Variants in FRMD4B observed in about 807,000 individuals in gnomAD.
FRMD4B encodes the protein FERM domain-containing protein 4B.
A neutral mutation model predicts 141.5 loss-of-function variants in FRMD4B; 74 were observed. The observed-to-expected ratio is 0.52, with a 90% confidence interval of 0.43 to 0.63. The LOEUF (loss-of-function observed/expected upper bound fraction) is 0.63. Ranked by LOEUF, FRMD4B falls within the 30% of genes least tolerant of loss-of-function variation. FRMD4B has a pLI of 0.00. For missense variants in FRMD4B, 1,366 were observed against 1,253.4 expected, an observed-to-expected ratio of 1.09 and a Z score of -1.36; for synonymous variants, 506 against 467.9, an observed-to-expected ratio of 1.08 and a Z score of -1.05.
Position 69,195,311 on chromosome 3 carries a change from GT to G in FRMD4B, c.1287del (p.Glu429AspfsTer2), listed in dbSNP as rs776374246. On this transcript the variant is annotated frameshift_variant, in exon 15 of 23. Transcript: ENST00000398540. LOFTEE classifies it high-confidence loss of function. ...TGTAATAGTTTCTCCTTCTTCTTTA[GT>G]TCAAGGATTTTTTCTCTCTTTTGCT... is the stretch of plus-strand genomic sequence containing the variant. ...SEEQKREKIL[E>X]LKKKEKLLQE... 1.2e-6 allele frequency: 2 copies of G among 1,613,016 alleles called. No individual in the cohort carries two copies. Among genetic ancestry groups the G allele is most frequent in the Admixed American group, 3.3e-5 (2 of 59,900 alleles).
intron 1 of FRMD4B, among the ~76,000 whole-genome samples, chr3:69,467,332 T>A (rs1463090991): frequency 6.6e-6 from 1 of 152,242 alleles, no homozygotes; most frequent in East Asian, 1.9e-4. Flanking sequence ...GTAACTGGCA[T>A]GATTTGGACC....
chr3:69,328,675 TG>T (rs1264687994), intron 1 of FRMD4B, among the ~76,000 whole-genome samples: 1 of 152,190 alleles, frequency 6.6e-6, no homozygotes, highest in Admixed American at 6.5e-5. Flanking sequence ...AAAAGACCTC[TG>T]GTAGTCCTCA....
rs1341855505 is a variant in FRMD4B, at chr3:69,451,707, C to CA, written c.-128-18947dup. Among the ~76,000 whole-genome samples the CA allele has an allele frequency of 2.0e-5, 3 of 152,234 alleles. No individual in the cohort carries two copies. In the East Asian group the frequency reaches 5.8e-4, roughly 29 times the overall value. ...GGTAAGATGGTTTACTTCTTATAACCACTAGGTGGTCCTGGCATGTTACAA... is the reference window on the plus strand; with the variant it reads ...GGTAAGATGGTTTACTTCTTATAACCAACTAGGTGGTCCTGGCATGTTACAA... On this transcript the variant is annotated intron_variant, in intron 1 of 5. Coordinates refer to the FRMD4B transcript ENST00000459638.
intron 11 of FRMD4B, among the ~76,000 whole-genome samples, chr3:69,213,711 G>A (rs578088403): frequency 2.7e-5 from 4 of 150,112 alleles, no homozygotes; most frequent in African/African-American, 7.4e-5. Context: ...CACCCAGGCC[G>A]GAGTGCAGTG....
intron 11 of FRMD4B, among the ~76,000 whole-genome samples, chr3:69,203,911 G>C (rs2092996967): frequency 6.6e-6 from 1 of 152,184 alleles, no homozygotes; most frequent in African/African-American, 2.4e-5. Context: ...CCATTGTTGA[G>C]AAACAATTGG....
chr3:69,250,290 C>CGTGTGTGTGTGTGTGT lies in FRMD4B; in HGVS notation c.502-207_502-192dup, dbSNP rs10526962. On this transcript the variant is annotated intron_variant, in intron 5 of 22. Coordinates refer to ENST00000398540, the MANE Select transcript of FRMD4B (RefSeq NM_015123.3). Reference sequence around the variant, plus strand: ...GGTTAAGGCGAAACCACTGTGTGTGCGTGTGTGTGTGTGTGTGTGTGTGTG... The same window carrying CGTGTGTGTGTGTGTGT: ...GGTTAAGGCGAAACCACTGTGTGTGCGTGTGTGTGTGTGTGTGTGTGTGTGTGTGTGTGTGTGTGTG... The CGTGTGTGTGTGTGTGT allele has an allele frequency of 4.9e-3, 2,052 of 418,694 alleles. 21 individuals carry two copies. The highest frequency in any genetic ancestry group is 7.0e-3 in the Non-Finnish European group (1,603 of 229,046). The allele number at this position is 418,694 out of a possible 1,614,324, so 25.9% of individuals were successfully genotyped here.
At chr3:69,318,934 T>C (rs2107269408) in intron 1 of FRMD4B, among the ~76,000 whole-genome samples, 1 of 152,290 alleles carries the variant, frequency 6.6e-6, no homozygotes, top group South Asian at 2.1e-4. Context: ...AATGTATGTA[T>C]GACCTGCCAG....
At chr3:69,287,666 A>G in intron 5 of FRMD4B, 86 bp downstream of exon 5, 1 of 712,314 alleles carries the variant, frequency 1.4e-6, no homozygotes, top group Non-Finnish European at 2.5e-6. Context: ...CTTAGTTTGA[A>G]TGCAAGAAGA....
At chr3:69,234,527 T>C (rs1056921726) in intron 7 of FRMD4B, among the ~76,000 whole-genome samples, 13 of 152,346 alleles carry the variant, frequency 8.5e-5, no homozygotes, top group Non-Finnish European at 1.8e-4. Flanking sequence ...ATCATGTTTC[T>C]TTCAGTTATT....
At chr3:69,307,281 A>C (rs1310004706) in intron 3 of FRMD4B, among the ~76,000 whole-genome samples, 2 of 152,186 alleles carry the variant, frequency 1.3e-5, no homozygotes, top group Non-Finnish European at 2.9e-5. Flanking sequence ...AGTTTTGAGA[A>C]AGAAATCTCA....
At chr3:69,176,962 TAC>T (rs1279771212) in intron 21 of FRMD4B, among the ~76,000 whole-genome samples, 1 of 4,660 alleles carries the variant, frequency 2.1e-4, no homozygotes, top group Non-Finnish European at 4.8e-3. Flanking sequence ...CTGTACTTGA[TAC>T]AAAGTACTCA....
In FRMD4B at chr3:69,490,492, CT is replaced by C. The variant is rs113229831; in HGVS notation, c.-129+51713del. ...CCTATTGCAGGCGTTTGCAATGGTG[CT>C]TCCTTCTACTTGAAACCTCTCTCCC... On this transcript the variant is annotated intron_variant, in intron 1 of 5. Coordinates refer to the FRMD4B transcript ENST00000459638. Among the ~76,000 whole-genome samples the C allele has an allele frequency of 4.7e-3, 713 of 152,284 alleles. 9 individuals are homozygous for C. The highest frequency in any genetic ancestry group is 0.016 in the African/African-American group (672 of 41,558).
chr3:69,239,709 T>C (rs2106693068), intron 7 of FRMD4B, among the ~76,000 whole-genome samples: 1 of 152,202 alleles, frequency 6.6e-6, no homozygotes, highest in East Asian at 1.9e-4. Flanking sequence ...AGCTGTTTAA[T>C]GGGTGCAGAG....
intron 1 of FRMD4B, among the ~76,000 whole-genome samples, chr3:69,463,309 G>C (rs1357927329): frequency 6.6e-6 from 1 of 152,172 alleles, no homozygotes; most frequent in Non-Finnish European, 1.5e-5. Context: ...TTTTGCCTGG[G>C]GGATCTGTTT....
chr3:69,510,403 T>A (rs558663797), intron 1 of FRMD4B, among the ~76,000 whole-genome samples: 1 of 152,212 alleles, frequency 6.6e-6, no homozygotes, highest in South Asian at 2.1e-4. Context: ...ATTCTTCTCC[T>A]TGATAATGAA....
chr3:69,430,125 G>A (rs934504360), intron 2 of FRMD4B, among the ~76,000 whole-genome samples: 4 of 152,018 alleles, frequency 2.6e-5, no homozygotes, highest in Admixed American at 2.0e-4. Flanking sequence ...GGACTAGAAA[G>A]AGTTCTGCTT....
chr3:69,424,036 A>G (rs1267621373), intron 2 of FRMD4B, among the ~76,000 whole-genome samples: 20 of 152,232 alleles, frequency 1.3e-4, no homozygotes, highest in Admixed American at 1.2e-3. Context: ...TGTCTTAGAT[A>G]AGCTTCATTC....
At chr3:69,227,745 A>G (rs2093268460) in intron 7 of FRMD4B, among the ~76,000 whole-genome samples, 1 of 152,196 alleles carries the variant, frequency 6.6e-6, no homozygotes, top group Admixed American at 6.5e-5. Flanking sequence ...TTTTTAGGGC[A>G]CTGAAACTAT....
At chr3:69,526,395 T>A (rs908114734) in intron 1 of FRMD4B, among the ~76,000 whole-genome samples, 1 of 152,180 alleles carries the variant, frequency 6.6e-6, no homozygotes, top group Non-Finnish European at 1.5e-5. Context: ...GCCTGACTGA[T>A]GTTTCCCAGG....
Sources: allele counts gnomAD v4.1 joint callset (sites outside exome capture counted in the v4.1 genomes callset), GRCh38; gene constraint gnomAD v4.1.1; transcripts MANE v1.5; gene names NCBI Gene and HGNC (gene_info 2026-07-23, HGNC 2026-07-21).